The following CDH23 variants were observed in gnomAD, a reference collection of about 807,000 sequenced individuals.
CDH23 encodes cadherin-23.
A neutral mutation model predicts 317.1 loss-of-function variants in CDH23; 189 were observed. That is an observed-to-expected ratio of 0.60 (90% CI 0.53 to 0.67). The LOEUF (loss-of-function observed/expected upper bound fraction) is 0.67. Among genes scored for constraint, CDH23 ranks in the 30% least tolerant of loss-of-function variants. The pLI is 0.00. For missense variants in CDH23, 4,401 were observed against 4,592.4 expected, an observed-to-expected ratio of 0.96 and a Z score of 1.20; for synonymous variants, 1,839 against 1,876.8, an observed-to-expected ratio of 0.98 and a Z score of 0.52.
chr10:71,798,530 C>G lies in CDH23; in HGVS notation c.7006C>G (p.Leu2336Val). The change falls in exon 50 of 70, where the codon CTG becomes GTG. Residue 2336 changes from leucine to valine, a missense_variant. This residue lies in a region of CDH23 where 3,068 missense variants were observed against 3,203.3 expected (regional missense o/e 0.96). Coordinates refer to ENST00000224721, the MANE Select transcript of CDH23 (RefSeq NM_022124.6). ...GLNGLVTYTL[L>V]DLVPPGYVQL... ...TAATGGGCTGGTCACCTACACCCTGCTGGACCTGGTGCCCCCAGGGTATGT... is the reference window on the plus strand; with the variant it reads ...TAATGGGCTGGTCACCTACACCCTGGTGGACCTGGTGCCCCCAGGGTATGT... 3 of 1,613,674 alleles carry G rather than the reference C, an allele frequency of 1.9e-6. No homozygotes were observed. The South Asian group carries it at 3.3e-5, about 18-fold the overall frequency.
intron 28 of CDH23, chr10:71,713,073 A>G (rs1866049541): frequency 5.3e-6 from 4 of 748,292 alleles, no homozygotes; most frequent in African/African-American, 1.7e-5. Context: ...CTCCCCCTGC[A>G]TATCTCCCGC....
chr10:71,788,810 C>A, intron 44 of CDH23, 130 bp from the exon 45 acceptor site: 1 of 630,778 alleles, frequency 1.6e-6, no homozygotes, highest in Non-Finnish European at 2.9e-6. Context: ...AATGTGAGTT[C>A]ATGTTGGTGT....
intron 11 of CDH23, among the ~76,000 whole-genome samples, chr10:71,640,748 T>A (rs917206612): frequency 6.6e-6 from 1 of 151,964 alleles, no homozygotes; most frequent in Non-Finnish European, 1.5e-5. Context: ...AGCAAGACTC[T>A]GTCTGAAAAA....
intron 14 of CDH23, among the ~76,000 whole-genome samples, chr10:71,659,007 C>T (rs1863533090): frequency 6.6e-6 from 1 of 152,182 alleles, no homozygotes; most frequent in South Asian, 2.1e-4. Flanking sequence ...TCTCTAAGGC[C>T]CCCTGTGCCA....
chr10:71,567,010 C>A, intron 7 of CDH23, 74 bp downstream of exon 7: 1 of 1,372,820 alleles, frequency 7.3e-7, no homozygotes, highest in Non-Finnish European at 1.0e-6. Flanking sequence ...CGGGGCATTC[C>A]AATGGGACAT....
At chr10:71,721,890 A>G (rs1463891014) in intron 28 of CDH23, among the ~76,000 whole-genome samples, 7 of 152,154 alleles carry the variant, frequency 4.6e-5, no homozygotes, top group Non-Finnish European at 5.9e-5. Flanking sequence ...TAGCCTCCCC[A>G]GCTGCCTCTA....
At chr10:71,493,889 T>C (rs1852806751) in intron 3 of CDH23, among the ~76,000 whole-genome samples, 3 of 152,214 alleles carry the variant, frequency 2.0e-5, no homozygotes, top group Admixed American at 1.3e-4. Context: ...TCATAAGATC[T>C]CTTATATACC....
chr10:71,703,684 C>T (rs973615757), intron 24 of CDH23, among the ~76,000 whole-genome samples: 2 of 152,154 alleles, frequency 1.3e-5, no homozygotes, highest in African/African-American at 4.8e-5. Context: ...CCCCACAGGC[C>T]CGCTGTGCCT....
chr10:71,398,358 T>C (rs1318609164), intron 1 of CDH23, among the ~76,000 whole-genome samples: 2 of 151,984 alleles, frequency 1.3e-5, no homozygotes, highest in African/African-American at 4.8e-5. Flanking sequence ...GACATTGACC[T>C]CGCCTTCCAG....
intron 1 of CDH23, among the ~76,000 whole-genome samples, chr10:71,403,561 A>T (rs76761072): frequency 7.1e-6 from 1 of 140,726 alleles, no homozygotes; most frequent in Admixed American, 7.4e-5. Flanking sequence ...TCTTTCGCCA[A>T]CCTGGAGTGC....
chr10:71,680,431 A>C (rs1265634615), intron 17 of CDH23, among the ~76,000 whole-genome samples: 1 of 150,508 alleles, frequency 6.6e-6, no homozygotes, highest in Non-Finnish European at 1.5e-5. Flanking sequence ...CAGTTAGTTC[A>C]GTTCAGAGAA....
chr10:71,691,302 A>G (rs908641120), intron 20 of CDH23, among the ~76,000 whole-genome samples: 1 of 152,222 alleles, frequency 6.6e-6, no homozygotes, highest in African/African-American at 2.4e-5. Flanking sequence ...ACTTCTGTAC[A>G]TTCATTCATA....
intron 1 of CDH23, among the ~76,000 whole-genome samples, chr10:71,438,242 G>T (rs1281214797): frequency 6.8e-6 from 1 of 146,664 alleles, no homozygotes; most frequent in Non-Finnish European, 1.5e-5. Context: ...ACTCGGGGGG[G>T]CTGAGGCAGG....
Position 71,751,855 on chromosome 10 carries a change from A to T in CDH23, c.4845+9934A>T. The T allele has an allele frequency of 6.5e-7, 1 of 1,549,564 alleles. No individual in the cohort carries two copies. The highest frequency in any genetic ancestry group is 1.2e-5 in the South Asian group (1 of 81,702). On this transcript the variant is annotated intron_variant, in intron 38 of 69. Transcript: ENST00000224721. This position sits in a 1 kb window ranked among gnomAD's most constrained non-coding sequence, Gnocchi z 4.9. ...CAAAGCCGGGGTTTTCAATCCCTTG[A>T]ATGTTGCTGCCACAGAACCAGAATG...
intron 30 of CDH23, among the ~76,000 whole-genome samples, chr10:71,729,214 C>T (rs572389790): frequency 2.6e-5 from 4 of 152,278 alleles, no homozygotes; most frequent in Non-Finnish European, 4.4e-5. Flanking sequence ...TGCTGGTAAG[C>T]GGTGAGGAAA....
chr10:71,468,599 G>C (rs1268958464), intron 3 of CDH23, among the ~76,000 whole-genome samples: 1 of 152,178 alleles, frequency 6.6e-6, no homozygotes, highest in Non-Finnish European at 1.5e-5. Context: ...TTCAGCTCTG[G>C]CTTCTGCCAC....
chr10:71,688,707 G>A (rs111171322), intron 19 of CDH23, among the ~76,000 whole-genome samples: 4 of 128,280 alleles, frequency 3.1e-5, no homozygotes, highest in Admixed American at 7.6e-5. Context: ...GGAGCCAGGG[G>A]TGGTGGAGTC....
chr10:71,789,093 G>T, intron 45 of CDH23, 51 bp downstream of exon 45: 7 of 892,242 alleles, frequency 7.8e-6, no homozygotes, highest in Non-Finnish European at 1.3e-5. Flanking sequence ...GCACCACTGG[G>T]GCCTGGGATG....
chr10:71,723,030 C>T (rs556502511), intron 28 of CDH23, among the ~76,000 whole-genome samples: 1 of 152,302 alleles, frequency 6.6e-6, no homozygotes, highest in South Asian at 2.1e-4. Context: ...CAGTCCTGGA[C>T]CAATCCCCTC....
Sources: gnomAD v4.1 joint callset for allele counts (sites outside exome capture counted in the v4.1 genomes callset) on GRCh38, gnomAD v4.1.1 for gene constraint, gnomAD v4.1.1 regional missense constraint, Gnocchi (gnomAD v3.1) non-coding constraint, MANE v1.5 for transcripts, NCBI Gene and HGNC (gene_info 2026-07-23, HGNC 2026-07-21) for gene names.